APC: variants seen among roughly 807,000 people sequenced by gnomAD.
The protein encoded by APC is adenomatous polyposis coli protein.
APC carries 72 observed loss-of-function variants against 247.0 expected under a neutral mutation model. That is an observed-to-expected ratio of 0.29 (90% CI 0.24 to 0.35). The LOEUF (loss-of-function observed/expected upper bound fraction) is 0.35. APC is among the 10% of genes least tolerant of loss of function. APC has a pLI of 1.00. For synonymous variants in APC, 1,254 were observed against 1,162.5 expected (o/e 1.08, Z -1.60); for missense variants, 3,400 against 3,360.7 (o/e 1.01, Z -0.29).
At chr5:112,832,740 A>G (rs997965976) in intron 14 of APC, among the ~76,000 whole-genome samples, 9 of 152,196 alleles carry the variant, frequency 5.9e-5, no homozygotes, top group African/African-American at 2.2e-4. Context: ...TAATCCTCCT[A>G]AAGAGCTGTT....
chr5:112,759,168 A>G (rs1755359907), intron 2 of APC, among the ~76,000 whole-genome samples: 1 of 152,184 alleles, frequency 6.6e-6, no homozygotes, highest in African/African-American at 2.4e-5. Context: ...TGTATTTTGA[A>G]GATGTAATTA....
intron 1 of APC, among the ~76,000 whole-genome samples, chr5:112,754,542 G>C (rs970101585): frequency 6.6e-6 from 1 of 151,934 alleles, no homozygotes; most frequent in Non-Finnish European, 1.5e-5. Flanking sequence ...CCTAAGTTTT[G>C]CCTGTAAGAA....
intron 1 of APC, among the ~76,000 whole-genome samples, chr5:112,711,772 A>G (rs1292276912): frequency 6.6e-6 from 1 of 152,218 alleles, no homozygotes; most frequent in East Asian, 1.9e-4. Flanking sequence ...ATTGGCAAGT[A>G]CATAGATAGA....
chr5:112,835,722 G>A (rs548806148), intron 15 of APC, among the ~76,000 whole-genome samples: 2 of 151,788 alleles, frequency 1.3e-5, no homozygotes, highest in African/African-American at 2.4e-5. Context: ...ACAGATGCAC[G>A]CCACAACACC....
At chr5:112,741,255 T>A (rs1460877909) in intron 1 of APC, among the ~76,000 whole-genome samples, 1 of 152,194 alleles carries the variant, frequency 6.6e-6, no homozygotes, top group African/African-American at 2.4e-5. Flanking sequence ...ATTTAAAGAT[T>A]TATATAATCT....
rs187206304 is a variant in APC, at chr5:112,748,855, G to A, written c.-18-6018G>A. ...AGAATGAGGTTTACAAAATTAGCTG[G>A]GCATGTTGGCTTGTGTCTGTAGTCC... On this transcript the variant is annotated intron_variant, in intron 1 of 15. Coordinates refer to ENST00000257430, the MANE Select transcript of APC (RefSeq NM_000038.6). Among the ~76,000 whole-genome samples the A allele has an allele frequency of 5.4e-3, 819 of 152,140 alleles. 5 individuals are homozygous for A. The highest frequency in any genetic ancestry group is 0.016 in the South Asian group (79 of 4,814).
At chr5:112,736,492 G>A (rs760925565), upstream of APC, among the ~76,000 whole-genome samples, 14 of 152,158 alleles carry the variant, frequency 9.2e-5, no homozygotes, top group Non-Finnish European at 1.8e-4. Context: ...ATTTTGTTGT[G>A]TGTCTATTGC....
At chr5:112,812,880 G>C (rs1762127375) in intron 8 of APC, among the ~76,000 whole-genome samples, 1 of 152,210 alleles carries the variant, frequency 6.6e-6, no homozygotes, top group Non-Finnish European at 1.5e-5. Context: ...GCAGTCAATA[G>C]CTGGTGGCAG....
chr5:112,737,848 G>A, upstream of APC: 2 of 985,636 alleles, frequency 2.0e-6, no homozygotes, highest in South Asian at 4.7e-5. Context: ...GCACGTGACC[G>A]ACATGTGGCT....
intron 8 of APC, among the ~76,000 whole-genome samples, chr5:112,803,104 T>C (rs1761009686): frequency 1.3e-5 from 2 of 152,098 alleles, no homozygotes; most frequent in East Asian, 3.8e-4. Context: ...GGGGGGGCCA[T>C]TTAGTTGGCA....
intron 1 of APC, among the ~76,000 whole-genome samples, chr5:112,727,608 A>C (rs916058068): frequency 1.9e-4 from 29 of 152,202 alleles, no homozygotes; most frequent in African/African-American, 7.0e-4. Context: ...CTGATTTATC[A>C]GGTAATCTGG....
chr5:112,822,258 A>T (rs1561546797), intron 11 of APC, among the ~76,000 whole-genome samples: 2 of 152,172 alleles, frequency 1.3e-5, no homozygotes. Context: ...AAAAAATGAC[A>T]AAATGGGTCA....
rs767271480 is a variant in APC at position 112,840,572 on chromosome 5, C to G, written c.4978C>G (p.Leu1660Val). 1.2e-6 allele frequency: 2 copies of G among 1,614,112 alleles called. No homozygotes were observed. Among genetic ancestry groups the G allele is most frequent in the Non-Finnish European group, 1.7e-6 (2 of 1,179,990 alleles). Residue 1660 changes from leucine (L) to valine (V), a missense_variant, in exon 16 of 16, where the codon CTA (leucine) becomes GTA (valine). Physicochemically the swap from Leu to Val is conservative, Grantham distance 32. Around this residue, in one of 9 missense-constraint regions of APC, gnomAD observed 1,788 missense variants for 1,649.5 expected, o/e 1.08. Transcript: ENST00000257430. This position sits in a 1 kb window ranked among gnomAD's most constrained non-coding sequence, Gnocchi z 4.1. ...TTCCACAGCTACATCTCTAAGTGATCTAACAATCGAATCCCCTCCAAATGA... is the reference window on the plus strand; with the variant it reads ...TTCCACAGCTACATCTCTAAGTGATGTAACAATCGAATCCCCTCCAAATGA... ...NFSTATSLSD[L>V]TIESPPNELA...
Position 112,827,973 on chromosome 5 carries a change from C to G in APC, c.1593C>G (p.Ala531=), listed in dbSNP as rs878853418. The G allele has an allele frequency of 5.0e-6, 8 of 1,613,118 alleles. No homozygotes were observed. Among genetic ancestry groups the G allele is most frequent in the Non-Finnish European group, 6.8e-6 (8 of 1,179,910 alleles). Residue 531 remains alanine, a synonymous_variant, in exon 13 of 16, where the codon GCC becomes GCG. Transcript: ENST00000257430. The part of the protein sequence containing the change: ...SMKGCMRALV[A]QLKSESEDLQ... Reference sequence around the variant, plus strand: ...AAGGCTGCATGAGAGCACTTGTGGCCCAACTAAAATCTGAAAGTGAAGACT... The same window carrying G: ...AAGGCTGCATGAGAGCACTTGTGGCGCAACTAAAATCTGAAAGTGAAGACT...
intron 6 of APC, among the ~76,000 whole-genome samples, chr5:112,787,387 A>G (rs1348780211): frequency 6.6e-6 from 1 of 152,164 alleles, no homozygotes; most frequent in Non-Finnish European, 1.5e-5. Context: ...TGTTTGCCAA[A>G]TTGCTCTTAA....
rs563127438 is a variant in APC at position 112,801,728 on chromosome 5, C to T, written c.834+345C>T. Among the ~76,000 whole-genome samples, 8 of 152,084 alleles carry T rather than the reference C, an allele frequency of 5.3e-5. No individual in the cohort carries two copies. In the South Asian group the frequency reaches 1.7e-3, roughly 32 times the overall value. On this transcript the variant is annotated intron_variant, in intron 8 of 15. Transcript: ENST00000257430. Reference sequence around the variant, plus strand: ...TGCCTTGAATAGGTTTGCTCTTTCACTAAGACCTTCAATGTAAAGACATTT... The same window carrying T: ...TGCCTTGAATAGGTTTGCTCTTTCATTAAGACCTTCAATGTAAAGACATTT...
intron 2 of APC, among the ~76,000 whole-genome samples, chr5:112,760,291 T>C (rs1226371171): frequency 6.6e-6 from 1 of 152,188 alleles, no homozygotes; most frequent in Middle Eastern, 3.2e-3. Flanking sequence ...TCTAAATGCA[T>C]GGCTCATTTT....
intron 1 of APC, among the ~76,000 whole-genome samples, chr5:112,708,113 C>T (rs1750633671): frequency 1.3e-5 from 2 of 152,234 alleles, no homozygotes; most frequent in South Asian, 2.1e-4. Context: ...CCGTCCTCCA[C>T]CTTTCCTGGC....
intron 2 of APC, among the ~76,000 whole-genome samples, chr5:112,758,833 C>T (rs1225602681): frequency 6.6e-6 from 1 of 151,716 alleles, no homozygotes; most frequent in Non-Finnish European, 1.5e-5. Context: ...AAACTCCTGA[C>T]CTCAGGTGAT....
Sources: gnomAD v4.1 joint callset for allele counts (sites outside exome capture counted in the v4.1 genomes callset) on GRCh38, gnomAD v4.1.1 for gene constraint, gnomAD v4.1.1 regional missense constraint, Gnocchi (gnomAD v3.1) non-coding constraint, MANE v1.5 for transcripts, NCBI Gene and HGNC (gene_info 2026-07-23, HGNC 2026-07-21) for gene names.